Variants in TTC23L observed in about 807,000 individuals in gnomAD.
TTC23L encodes tetratricopeptide repeat protein 23-like.
A neutral mutation model predicts 48.1 loss-of-function variants in TTC23L; 42 were observed. The observed-to-expected ratio is 0.87, with a 90% CI of 0.68 to 1.13. The LOEUF (loss-of-function observed/expected upper bound fraction) is 1.13, where lower values mean the gene tolerates loss of function less well. TTC23L is among the 50% of genes most tolerant of loss of function. The pLI is 0.00. For missense variants in TTC23L, 391 were observed against 421.0 expected (o/e 0.93, Z 0.62); for synonymous variants, 159 against 157.2 (o/e 1.01, Z -0.09).
intron 6 of TTC23L, among the ~76,000 whole-genome samples, chr5:34,865,306 A>C (rs1760969216): frequency 6.6e-6 from 1 of 152,238 alleles, no homozygotes; most frequent in African/African-American, 2.4e-5. Flanking sequence ...AATAGTAAGT[A>C]AATGAAATAC....
chr5:34,875,524 C>T (rs1219736724), intron 8 of TTC23L, among the ~76,000 whole-genome samples: 1 of 152,132 alleles, frequency 6.6e-6, no homozygotes, highest in Non-Finnish European at 1.5e-5. Context: ...CTCCTGCTTG[C>T]TTTTATCCTA....
chr5:34,878,328 C>T (rs1244131612), intron 8 of TTC23L, among the ~76,000 whole-genome samples: 1 of 151,902 alleles, frequency 6.6e-6, no homozygotes, highest in African/African-American at 2.4e-5. Context: ...CAGTGAGACC[C>T]ATCTCAAAAA....
chr5:34,908,697 G>T, the TTC23L span: 1 of 1,357,836 alleles, frequency 7.4e-7, no homozygotes, highest in Non-Finnish European at 1.0e-6. Flanking sequence ...ATGACAAAGA[G>T]TACTGTACTC....
rs201779442 is a variant in TTC23L, at chr5:34,880,222, C to T, written c.991C>T (p.Arg331Ter). The change falls in exon 9 of 11, where the codon CGA becomes TGA. Residue 331 changes from arginine to a stop codon, truncating the protein, a stop_gained. Transcript: ENST00000505624. LOFTEE classifies it high-confidence loss of function. ...TTTCATAAGAAGTATCAATGCATATCGAGCAACATTGGGCTCAGAGGATTT... is the reference window on the plus strand; with the variant it reads ...TTTCATAAGAAGTATCAATGCATATTGAGCAACATTGGGCTCAGAGGATTT... 2.4e-5 allele frequency: 38 copies of T among 1,612,926 alleles called. No individual in the cohort carries two copies. Among genetic ancestry groups the T allele is most frequent in the Middle Eastern group, 1.6e-4 (1 of 6,078 alleles).
the TTC23L span, chr5:34,911,871 C>T: frequency 6.4e-7 from 1 of 1,551,600 alleles, no homozygotes; most frequent in Non-Finnish European, 8.7e-7. Flanking sequence ...TCAGCTTCTC[C>T]TCGAAATGAT....
chr5:34,848,508 A>G (rs1320215102), intron 3 of TTC23L, among the ~76,000 whole-genome samples: 1 of 152,254 alleles, frequency 6.6e-6, no homozygotes, highest in Non-Finnish European at 1.5e-5. Context: ...CAATAGTAAT[A>G]GCTAATAAAA....
intron 10 of TTC23L, among the ~76,000 whole-genome samples, chr5:34,897,611 A>G (rs984265117): frequency 2.0e-5 from 3 of 152,050 alleles, no homozygotes; most frequent in African/African-American, 7.3e-5. Flanking sequence ...GCATGAACAC[A>G]CCATACCTGG....
chr5:34,849,629 AATG>A (rs1297170016), intron 3 of TTC23L, among the ~76,000 whole-genome samples: 1 of 152,148 alleles, frequency 6.6e-6, no homozygotes, highest in Non-Finnish European at 1.5e-5. Flanking sequence ...TTGGTGAGAT[AATG>A]ATTTTGTGGT....
At chr5:34,868,124 A>G (rs1368053616) in intron 7 of TTC23L, 2 of 152,224 alleles carry the variant, frequency 1.3e-5, no homozygotes, top group Non-Finnish European at 2.9e-5. Flanking sequence ...TAAGGATGAG[A>G]AAACTGACGC....
At chr5:34,841,648 G>C (rs1262986786) in intron 2 of TTC23L, among the ~76,000 whole-genome samples, 1 of 152,150 alleles carries the variant, frequency 6.6e-6, no homozygotes, top group Non-Finnish European at 1.5e-5. Context: ...CTCCTGAGTA[G>C]CTGGGACTAC....
chr5:34,840,197 C>T (rs1318978045), intron 1 of TTC23L, among the ~76,000 whole-genome samples: 3 of 145,408 alleles, frequency 2.1e-5, no homozygotes, highest in Non-Finnish European at 4.4e-5. Flanking sequence ...CGCCTCGTGA[C>T]CCCTGTACTA....
chr5:34,839,408 G>C lies in TTC23L; in HGVS notation c.-8+149G>C, dbSNP rs1019208707. 7.1e-5 allele frequency: 11 copies of C among 154,572 alleles called. No individual in the cohort carries two copies. In the Admixed American group the frequency reaches 7.2e-4, roughly 10 times the overall value. The allele number at this position is 154,572 out of a possible 1,614,324, so 9.6% of individuals were successfully genotyped here. ...GCGTTCTCTTAGAGCCTCCGCGGCA[G>C]AGAGGCTCTCAGAGCTCGACCTGCG... On this transcript the variant is annotated intron_variant, in intron 1 of 10. Coordinates refer to ENST00000505624, the Ensembl canonical transcript of TTC23L.
At chr5:34,888,041 C>T (rs1360343069) in intron 9 of TTC23L, among the ~76,000 whole-genome samples, 1 of 152,118 alleles carries the variant, frequency 6.6e-6, no homozygotes, top group African/African-American at 2.4e-5. Flanking sequence ...GGAGATGGGA[C>T]CTTTAGAAGG....
At chr5:34,912,226 C>T in the TTC23L span, among the ~76,000 whole-genome samples, 2 of 152,214 alleles carry the variant, frequency 1.3e-5, no homozygotes, top group East Asian at 1.9e-4. Flanking sequence ...TGTACTGTAA[C>T]GTCAGTGTAC....
At chr5:34,925,215 T>TG in the TTC23L span, 1 of 1,504,894 alleles carries the variant, frequency 6.6e-7, no homozygotes, top group African/African-American at 1.4e-5. Flanking sequence ...ATCTTTTTTT[T>TG]TTTTTTTTAG....
the TTC23L span, among the ~76,000 whole-genome samples, chr5:34,924,195 T>C: frequency 6.6e-6 from 1 of 152,146 alleles, no homozygotes; most frequent in African/African-American, 2.4e-5. Flanking sequence ...GCACGATAAG[T>C]GCAGAAAGAT....
chr5:34,896,870 G>A (rs1213225647), exon 10 of TTC23L: 5 of 720,048 alleles, frequency 6.9e-6, no homozygotes, highest in African/African-American at 1.7e-5. Flanking sequence ...AGTGTATGGA[G>A]GAATGGTAAG....
At chr5:34,911,798 G>C in the TTC23L span, 1 of 1,614,144 alleles carries the variant, frequency 6.2e-7, no homozygotes, top group Non-Finnish European at 8.5e-7. Flanking sequence ...CACATTCGAA[G>C]TGCAGTTAAA....
At chr5:34,909,286 A>G in the TTC23L span, 4 of 1,611,008 alleles carry the variant, frequency 2.5e-6, no homozygotes, top group East Asian at 2.2e-5. Flanking sequence ...TTACAATGAA[A>G]TGCTTCCATC....
Sources: gnomAD v4.1 joint callset for allele counts (sites outside exome capture counted in the v4.1 genomes callset) on GRCh38, gnomAD v4.1.1 for gene constraint, MANE v1.5 for transcripts, NCBI Gene and HGNC (gene_info 2026-07-23, HGNC 2026-07-21) for gene names.